Variants in KPNA4 observed in about 807,000 individuals in gnomAD.
KPNA4 encodes the protein karyopherin subunit alpha 4, also known as importin subunit alpha-3.
A neutral mutation model predicts 71.3 loss-of-function variants in KPNA4; 13 were observed. That is an observed-to-expected ratio of 0.18 (90% CI 0.12 to 0.29). The LOEUF is 0.29. Ranked by LOEUF, KPNA4 falls within the 10% of genes least tolerant of loss-of-function variation. The probability of loss-of-function intolerance (pLI) is 1.00; values close to 1 mark genes in which losing one functional copy is unlikely to be tolerated. For synonymous variants in KPNA4, 189 were observed against 195.2 expected (o/e 0.97, Z 0.26); for missense variants, 334 against 603.2 (o/e 0.55, Z 4.67).
chr3:160,508,296 A>G, intron 14 of KPNA4, 27 bp from the exon 15 acceptor site: 1 of 1,518,246 alleles, frequency 6.6e-7, no homozygotes, highest in East Asian at 2.3e-5. Context: ...ACATAAAATA[A>G]TGCAATATAG....
chr3:160,564,695 G>GA (rs1229015787), intron 1 of KPNA4: 3 of 152,030 alleles, frequency 2.0e-5, no homozygotes, highest in South Asian at 2.1e-4. Context: ...GGGAAGACCA[G>GA]AAAAAATGCC....
intron 10 of KPNA4, among the ~76,000 whole-genome samples, chr3:160,523,930 A>G (rs1721411019): frequency 1.3e-5 from 2 of 152,204 alleles, no homozygotes; most frequent in Non-Finnish European, 2.9e-5. Flanking sequence ...TTGCAAATGT[A>G]ACTGAGTTTC....
chr3:160,548,323 A>G (rs558017463), intron 1 of KPNA4, among the ~76,000 whole-genome samples: 34 of 152,318 alleles, frequency 2.2e-4, no homozygotes, highest in Non-Finnish European at 1.5e-4. Flanking sequence ...AACACATAAC[A>G]TAAGCTTTAC....
chr3:160,514,125 T>C lies in KPNA4; in HGVS notation c.1089A>G (p.Ala363=), dbSNP rs1721155990. ...ITAGNQQQVQ[A]VIDANLVPMI... ...TTGGTACAAGATTGGCATCAATTAC[T>C]GCCTGTACCTGCTGCTGATTTCCTG... Residue 363 remains alanine (A), a synonymous_variant, in exon 13 of 17, where the codon GCA becomes GCG. Coordinates refer to ENST00000334256, the MANE Select transcript of KPNA4 (RefSeq NM_002268.5). 1 of 1,600,018 alleles carries C rather than the reference T, an allele frequency of 6.2e-7. No individual in the cohort carries two copies. Among genetic ancestry groups the C allele is most frequent in the Non-Finnish European group, 8.5e-7 (1 of 1,175,740 alleles).
Position 160,514,101 on chromosome 3 carries a change from T to C in KPNA4, c.1113A>G (p.Pro371=). The change falls in exon 13 of 17, where the codon CCA becomes CCG. Residue 371 remains proline (P), a synonymous_variant. Transcript: ENST00000334256. The part of the protein sequence containing the change: ...VQAVIDANLV[P]MIIHLLDKGD... ...CCTTATCCAAAAGGTGTATTATCATTGGTACAAGATTGGCATCAATTACTG... is the reference window on the plus strand; with the variant it reads ...CCTTATCCAAAAGGTGTATTATCATCGGTACAAGATTGGCATCAATTACTG... 2 of 1,582,040 alleles carry C rather than the reference T, an allele frequency of 1.3e-6. No individual in the cohort carries two copies. Among genetic ancestry groups the C allele is most frequent in the Admixed American group, 2.0e-5 (1 of 50,918 alleles).
intron 1 of KPNA4, among the ~76,000 whole-genome samples, chr3:160,561,199 T>C (rs573231287): frequency 7.9e-5 from 12 of 152,182 alleles, no homozygotes; most frequent in African/African-American, 2.6e-4. Flanking sequence ...TCTAGTTATA[T>C]TTTATGCTCT....
intron 5 of KPNA4, among the ~76,000 whole-genome samples, chr3:160,534,429 T>G (rs1361854290): frequency 6.6e-6 from 1 of 152,106 alleles, no homozygotes; most frequent in Non-Finnish European, 1.5e-5. Context: ...AATAGAAATG[T>G]GCAAAACAGG....
intron 14 of KPNA4, 139 bp downstream of exon 14, chr3:160,509,661 G>A: frequency 1.5e-6 from 1 of 659,682 alleles, no homozygotes; most frequent in Non-Finnish European, 2.7e-6. Context: ...CAAAACCCTG[G>A]CCTCGGGTGA....
chr3:160,529,154 T>C (rs932967898), intron 7 of KPNA4, among the ~76,000 whole-genome samples: 2 of 152,044 alleles, frequency 1.3e-5, no homozygotes, highest in African/African-American at 4.8e-5. Context: ...GGCTGGTCTC[T>C]AGCTCCTGGA....
rs1312802189 is a variant in KPNA4 at position 160,565,459 on chromosome 3, C to G, written c.-177G>C. The G allele has an allele frequency of 6.8e-6, 4 of 590,802 alleles. No individual in the cohort carries two copies. Among genetic ancestry groups the G allele is most frequent in the African/African-American group, 3.9e-5 (2 of 50,728 alleles). The allele number at this position is 590,802 out of a possible 1,614,324, so 36.6% of individuals were successfully genotyped here. On this transcript the variant is annotated 5_prime_UTR_variant, in exon 1 of 17. Coordinates refer to ENST00000334256, the MANE Select transcript of KPNA4 (RefSeq NM_002268.5). ...CGGCCTTCTCCTCTCCCCGCCCGCC[C>G]CCCCGCCCTAACCCCAGCGCGACTG...
Position 160,538,339 on chromosome 3 carries a change from C to T in KPNA4, c.70-1499G>A, listed in dbSNP as rs532530308. Among the ~76,000 whole-genome samples, 205 of 151,966 alleles carry T rather than the reference C, an allele frequency of 1.3e-3. 1 individual carries two copies. Among genetic ancestry groups the T allele is most frequent in the African/African-American group, 4.6e-3 (192 of 41,452 alleles). The stretch of plus-strand genomic sequence containing the variant: ...AACTACTATAACTTCAAAGTAATGA[C>T]GACCATAAATGCAACAAAGAGGTGA... On this transcript the variant is annotated intron_variant, in intron 1 of 16. Transcript: ENST00000334256.
At chr3:160,555,802 T>G (rs1414358187) in intron 1 of KPNA4, among the ~76,000 whole-genome samples, 6 of 151,798 alleles carry the variant, frequency 4.0e-5, no homozygotes, top group African/African-American at 1.5e-4. Context: ...GTTGTTTCCT[T>G]CTTTTATTTT....
chr3:160,505,431 G>A (rs1230411961), intron 15 of KPNA4, among the ~76,000 whole-genome samples: 2 of 152,014 alleles, frequency 1.3e-5, no homozygotes, highest in African/African-American at 2.4e-5. Flanking sequence ...TAGTGAGCAC[G>A]TATGAAAATA....
Position 160,496,881 on chromosome 3 carries a change from T to C in KPNA4, c.*5223A>G, listed in dbSNP as rs1720774653. On this transcript the variant is annotated 3_prime_UTR_variant, in exon 17 of 17. Transcript: ENST00000334256. ...CAAGTCAATTTTATTGAAAATACAC[T>C]GGACTTGGACATCCTGAGTCAAACT... is the stretch of plus-strand genomic sequence containing the variant. 6.6e-6 allele frequency: 1 copy of C among 152,198 alleles called. No homozygotes were observed. Among genetic ancestry groups the C allele is most frequent in the African/African-American group, 2.4e-5 (1 of 41,420 alleles). The allele number at this position is 152,198 out of a possible 1,614,324, so 9.4% of individuals were successfully genotyped here. A position where few individuals can be genotyped will look rare whatever the true frequency, so the allele number is the denominator to read the frequency against.
intron 14 of KPNA4, among the ~76,000 whole-genome samples, chr3:160,509,535 T>C (rs901414676): frequency 6.6e-6 from 1 of 152,176 alleles, no homozygotes; most frequent in Non-Finnish European, 1.5e-5. Flanking sequence ...AAGGTGATAC[T>C]TCTATGTGAC....
chr3:160,564,807 C>T (rs1722306538), intron 1 of KPNA4, among the ~76,000 whole-genome samples: 1 of 151,946 alleles, frequency 6.6e-6, no homozygotes, highest in East Asian at 1.9e-4. Flanking sequence ...CCCGCGGCGC[C>T]AGACGTCGGT....
At chr3:160,535,397 C>T (rs1721667955) in intron 5 of KPNA4, 116 bp downstream of exon 5, 2 of 631,388 alleles carry the variant, frequency 3.2e-6, no homozygotes, top group Non-Finnish European at 5.5e-6. Flanking sequence ...TTACTATTTA[C>T]TATTGTTTGT....
intron 1 of KPNA4, among the ~76,000 whole-genome samples, chr3:160,555,215 T>C (rs1055778813): frequency 4.6e-5 from 7 of 152,258 alleles, no homozygotes; most frequent in African/African-American, 1.7e-4. Context: ...AGTATTGTGT[T>C]GAGTGACTGT....
At chr3:160,552,653 C>A (rs1257971870) in intron 1 of KPNA4, among the ~76,000 whole-genome samples, 2 of 152,084 alleles carry the variant, frequency 1.3e-5, no homozygotes, top group African/African-American at 4.8e-5. Context: ...GGAATGGCCT[C>A]TGTGAGTAAA....
Sources: gnomAD v4.1 joint callset for allele counts (sites outside exome capture counted in the v4.1 genomes callset) on GRCh38, gnomAD v4.1.1 for gene constraint, MANE v1.5 for transcripts, NCBI Gene and HGNC (gene_info 2026-07-23, HGNC 2026-07-21) for gene names.